WIF1: variants seen among roughly 807,000 people sequenced by gnomAD.
WIF1 encodes Wnt inhibitory factor 1.
A neutral mutation model predicts 53.5 loss-of-function variants in WIF1; 35 were observed. That is an observed-to-expected ratio of 0.65 (90% CI 0.50 to 0.87). The LOEUF (loss-of-function observed/expected upper bound fraction) is 0.87, where lower values mean the gene tolerates loss of function less well. Among genes scored for constraint, WIF1 ranks in the 40% least tolerant of loss-of-function variants. The pLI is 0.00. For missense variants in WIF1, 467 were observed against 476.8 expected, an observed-to-expected ratio of 0.98 and a Z score of 0.19; for synonymous variants, 171 against 170.4, an observed-to-expected ratio of 1.00 and a Z score of -0.03.
At chr12:65,072,300 C>A (rs989822009) in intron 3 of WIF1, among the ~76,000 whole-genome samples, 2 of 152,156 alleles carry the variant, frequency 1.3e-5, no homozygotes, top group African/African-American at 4.8e-5. Context: ...TCCCACTCAA[C>A]TTTCAAGGCC....
At position 65,074,129 on chromosome 12, in the gene WIF1, AT is replaced by A. The variant is rs554836054; in HGVS notation, c.397+3616del. 5.3e-5 allele frequency among the ~76,000 whole-genome samples: 8 copies of A among 152,232 alleles called. No individual in the cohort carries two copies. In the East Asian group the frequency reaches 1.5e-3, roughly 29 times the overall value. On this transcript the variant is annotated intron_variant, in intron 3 of 9. Transcript: ENST00000286574. ...CCTCACATCATATGTTCAAAATCTT[AT>A]TTGTCAATTTCCTAAGCAGTAGAAT...
chr12:65,104,502 C>T (rs1396983822), intron 2 of WIF1, among the ~76,000 whole-genome samples: 1 of 152,192 alleles, frequency 6.6e-6, no homozygotes, highest in Non-Finnish European at 1.5e-5. Flanking sequence ...GGCTCTACTA[C>T]CTACTAGCTG....
chr12:65,068,753 T>C lies in WIF1; in HGVS notation c.538+11A>G, dbSNP rs1033095973. 1.2e-6 allele frequency: 2 copies of C among 1,612,354 alleles called. No homozygotes were observed. Among genetic ancestry groups the C allele is most frequent in the African/African-American group, 2.7e-5 (2 of 74,800 alleles). The stretch of plus-strand genomic sequence containing the variant: ...CAACATGTCTTCTCTTGAATCACCA[T>C]CGGTGCTTACCTTGTTGACATGTTT... On this transcript the variant is annotated intron_variant, in intron 4 of 9. Transcript: ENST00000286574.
At chr12:65,102,668 A>G (rs529289438) in intron 2 of WIF1, among the ~76,000 whole-genome samples, 1 of 152,304 alleles carries the variant, frequency 6.6e-6, no homozygotes, top group East Asian at 1.9e-4. Context: ...TTTTGCCAGT[A>G]TGTTCAGCTC....
At chr12:65,081,399 T>G (rs1297839581) in intron 2 of WIF1, among the ~76,000 whole-genome samples, 1 of 152,128 alleles carries the variant, frequency 6.6e-6, no homozygotes, top group East Asian at 1.9e-4. Flanking sequence ...GAAACATAAC[T>G]TCACAGAGCC....
At chr12:65,097,010 C>A (rs764231302) in intron 2 of WIF1, among the ~76,000 whole-genome samples, 144 of 125,694 alleles carry the variant, frequency 1.1e-3, no homozygotes, top group Non-Finnish European at 2.2e-3. Flanking sequence ...GCACATGTAT[C>A]CTGGAACTTA....
chr12:65,066,147 C>T (rs540848675), intron 6 of WIF1, among the ~76,000 whole-genome samples: 7 of 152,232 alleles, frequency 4.6e-5, no homozygotes, highest in African/African-American at 1.7e-4. Flanking sequence ...CAGTGGGAGA[C>T]CACTGTCCAG....
At chr12:65,079,715 T>A (rs1882919367) in intron 2 of WIF1, among the ~76,000 whole-genome samples, 1 of 151,724 alleles carries the variant, frequency 6.6e-6, no homozygotes, top group South Asian at 2.1e-4. Flanking sequence ...ATAGCACCAA[T>A]GCTAACATGA....
intron 2 of WIF1, 151 bp from the exon 3 acceptor site, chr12:65,078,005 C>T (rs1373602834): frequency 2.2e-5 from 14 of 630,820 alleles, no homozygotes; most frequent in Non-Finnish European, 3.9e-5. Context: ...AGGCACAACT[C>T]ACCCTTCTGT....
Position 65,067,695 on chromosome 12 carries a change from C to G in WIF1, c.634G>C (p.Ala212Pro), listed in dbSNP as rs1882708359. ...AAGGGAAATCGGCTCCATGTCTTAC[C>G]TTTCTCACAGTGAGGTCCGTGGAAC... ...DGFHGPHCEK[A>P]LCTPRCMNGG... is the part of the protein sequence containing the mutation. The change falls in exon 5 of 10, where the codon GCC becomes CCC. Residue 212 changes from alanine (A) to proline (P), a missense_variant and splice_region_variant. By Grantham distance (27) the Ala-to-Pro change is conservative. Transcript: ENST00000286574. The G allele has an allele frequency of 6.2e-7, 1 of 1,612,926 alleles. No individual in the cohort carries two copies.
At chr12:65,052,608 C>T (rs1254893981) in intron 9 of WIF1, among the ~76,000 whole-genome samples, 3 of 152,182 alleles carry the variant, frequency 2.0e-5, no homozygotes, top group Non-Finnish European at 4.4e-5. Flanking sequence ...TCAAAATAAA[C>T]CCCCTTCTTT....
intron 6 of WIF1, among the ~76,000 whole-genome samples, chr12:65,063,895 C>T (rs7971459): frequency 0.98 from 149,155 of 151,982 alleles, 73,174 homozygotes; most frequent in Middle Eastern, 1. Flanking sequence ...TGAATTTTTT[C>T]TGTATAGATG....
intron 2 of WIF1, among the ~76,000 whole-genome samples, chr12:65,084,030 T>A (rs537301263): frequency 1.3e-5 from 2 of 151,978 alleles, no homozygotes; most frequent in Admixed American, 6.6e-5. Flanking sequence ...TAGCTGCCAA[T>A]GGTCTTGTTA....
At chr12:65,115,175 A>T (rs1451721556) in intron 2 of WIF1, among the ~76,000 whole-genome samples, 1 of 14,064 alleles carries the variant, frequency 7.1e-5, no homozygotes, top group African/African-American at 1.4e-4. Context: ...TGTCATTGCT[A>T]AAAAAAAAAA....
At chr12:65,116,708 G>A (rs188794185) in intron 2 of WIF1, among the ~76,000 whole-genome samples, 1,571 of 151,860 alleles carry the variant, frequency 0.01, 19 homozygotes, top group Non-Finnish European at 0.016. Context: ...GCTGAGGCGG[G>A]TGGATCACAA....
intron 2 of WIF1, among the ~76,000 whole-genome samples, chr12:65,104,048 C>G (rs1205128084): frequency 6.6e-6 from 1 of 152,062 alleles, no homozygotes; most frequent in Non-Finnish European, 1.5e-5. Flanking sequence ...CTGGGCAACA[C>G]AGCAAGACTC....
chr12:65,079,989 A>C (rs561069640), intron 2 of WIF1, among the ~76,000 whole-genome samples: 1 of 152,306 alleles, frequency 6.6e-6, no homozygotes, highest in African/African-American at 2.4e-5. Context: ...ATTTTACAAC[A>C]TGAAAGATAT....
chr12:65,051,366 A>T lies in WIF1; in HGVS notation c.1123T>A (p.Ser375Thr), dbSNP rs1359317049. The part of the protein sequence containing the change: ...KAEERRDPPE[S>T]NYIW ...GTCGGAGTTCACCAGATGTAATTGGATTCAGGTGGATCCCGCCGCTCCTCG... is the reference window on the plus strand; with the variant it reads ...GTCGGAGTTCACCAGATGTAATTGGTTTCAGGTGGATCCCGCCGCTCCTCG... The change falls in exon 10 of 10, where the codon TCC becomes ACC. Residue 375 changes from serine (S) to threonine (T), a missense_variant. Coordinates refer to ENST00000286574, the MANE Select transcript of WIF1 (RefSeq NM_007191.5). 6.2e-7 allele frequency: 1 copy of T among 1,613,482 alleles called. No homozygotes were observed. Among genetic ancestry groups the T allele is most frequent in the Non-Finnish European group, 8.5e-7 (1 of 1,179,826 alleles).
At chr12:65,112,944 C>T (rs1883455148) in intron 2 of WIF1, among the ~76,000 whole-genome samples, 1 of 152,200 alleles carries the variant, frequency 6.6e-6, no homozygotes, top group South Asian at 2.1e-4. Context: ...CTTCCTTTGG[C>T]CACCCAGCCA....
Sources: gnomAD v4.1 joint callset for allele counts (sites outside exome capture counted in the v4.1 genomes callset) on GRCh38, gnomAD v4.1.1 for gene constraint, MANE v1.5 for transcripts, NCBI Gene and HGNC (gene_info 2026-07-23, HGNC 2026-07-21) for gene names.